The following GUCY1A2 variants were observed in gnomAD, a reference collection of about 807,000 sequenced individuals.
The protein encoded by GUCY1A2 is guanylate cyclase 1 soluble subunit alpha 2, also known as guanylate cyclase soluble subunit alpha-2.
A neutral mutation model predicts 63.5 loss-of-function variants in GUCY1A2; 27 were observed. The ratio of observed to expected loss-of-function variants is 0.43; its 90% confidence interval spans 0.31 to 0.59. The LOEUF is 0.59. Ranked by LOEUF, GUCY1A2 falls within the 20% of genes least tolerant of loss-of-function variation. The pLI is 0.11. For synonymous variants in GUCY1A2, 364 were observed against 343.5 expected (o/e 1.06, Z -0.66); for missense variants, 768 against 913.3 (o/e 0.84, Z 2.05).
At chr11:106,997,617 A>ACCCCCCCCCC (rs377457144) in intron 1 of GUCY1A2, among the ~76,000 whole-genome samples, 8 of 119,760 alleles carry the variant, frequency 6.7e-5, no homozygotes, top group Admixed American at 1.8e-4. Flanking sequence ...AAGATAGGGA[A>ACCCCCCCCCC]CCCCCCCCCC....
At chr11:106,918,980 A>C (rs1412871267) in intron 4 of GUCY1A2, among the ~76,000 whole-genome samples, 2 of 152,130 alleles carry the variant, frequency 1.3e-5, no homozygotes, top group Non-Finnish European at 2.9e-5. Flanking sequence ...TTGTCTGTGT[A>C]TTTCATCTTT....
chr11:106,990,585 CTGTG>C (rs139110040), intron 1 of GUCY1A2, among the ~76,000 whole-genome samples: 12 of 151,852 alleles, frequency 7.9e-5, no homozygotes, highest in East Asian at 7.7e-4. Context: ...CTCTCTCTCT[CTGTG>C]TGTGTGTGTG....
intron 1 of GUCY1A2, among the ~76,000 whole-genome samples, chr11:107,014,486 G>T (rs1449211074): frequency 6.6e-6 from 1 of 152,062 alleles, no homozygotes; most frequent in Non-Finnish European, 1.5e-5. Flanking sequence ...GTTTCTCATT[G>T]TTCAAGGCAA....
chr11:106,700,863 T>G (rs1862806307), intron 7 of GUCY1A2, among the ~76,000 whole-genome samples: 1 of 152,078 alleles, frequency 6.6e-6, no homozygotes, highest in South Asian at 2.1e-4. Flanking sequence ...TCTTTGGATC[T>G]TTCCCCACAT....
intron 1 of GUCY1A2, among the ~76,000 whole-genome samples, chr11:106,994,090 C>T (rs1221574488): frequency 6.6e-6 from 1 of 152,142 alleles, no homozygotes; most frequent in Non-Finnish European, 1.5e-5. Flanking sequence ...ATTTGCATGA[C>T]CTCATTAGAG....
chr11:106,773,034 A>T (rs1468727494), intron 6 of GUCY1A2, among the ~76,000 whole-genome samples: 1 of 152,198 alleles, frequency 6.6e-6, no homozygotes, highest in Non-Finnish European at 1.5e-5. Flanking sequence ...TTCCACTTAT[A>T]AATGGTTAAA....
chr11:106,805,245 AAC>A (rs1304606110), intron 5 of GUCY1A2, among the ~76,000 whole-genome samples: 13 of 79,412 alleles, frequency 1.6e-4, no homozygotes, highest in African/African-American at 6.3e-4. Context: ...TTTTATCACT[AAC>A]ATTTTTTTTT....
In GUCY1A2 at chr11:107,017,947, T is replaced by A; in HGVS notation, c.109A>T (p.Asn37Tyr). The A allele has an allele frequency of 7.3e-7, 1 of 1,375,202 alleles. No homozygotes were observed. The highest frequency in any genetic ancestry group is 9.5e-7 in the Non-Finnish European group (1 of 1,055,194). The allele number at this position is 1,375,202 out of a possible 1,614,324, so 85.2% of individuals were successfully genotyped here. The change falls in exon 1 of 8, where the codon AAT becomes TAT. Residue 37 changes from asparagine to tyrosine, a missense_variant. By Grantham distance (143) the Asn-to-Tyr change is moderately radical. Around this residue, in one of 3 missense-constraint regions of GUCY1A2, gnomAD observed 496 missense variants for 486.9 expected, o/e 1.02. Coordinates refer to ENST00000526355, the MANE Select transcript of GUCY1A2 (RefSeq NM_000855.3). ...GGCCCGGGCGGGCTCCGGCTGCCATTCCAGCAGAGCCTAGACAGGGGGCAC... is the reference window on the plus strand; with the variant it reads ...GGCCCGGGCGGGCTCCGGCTGCCATACCAGCAGAGCCTAGACAGGGGGCAC... Reference protein sequence around the residue: ...GECPLSRLCWNGSRSPPGPLE... With the variant: ...GECPLSRLCWYGSRSPPGPLE...
At chr11:106,919,635 T>C (rs1389390244) in intron 4 of GUCY1A2, among the ~76,000 whole-genome samples, 2 of 152,072 alleles carry the variant, frequency 1.3e-5, no homozygotes, top group African/African-American at 2.4e-5. Flanking sequence ...CAAATATCAG[T>C]TGAGATCTGA....
chr11:106,712,192 C>A (rs1468348350), intron 6 of GUCY1A2, among the ~76,000 whole-genome samples: 1 of 152,042 alleles, frequency 6.6e-6, no homozygotes, highest in Non-Finnish European at 1.5e-5. Flanking sequence ...CACTGATGAT[C>A]TATTCATTTA....
intron 5 of GUCY1A2, among the ~76,000 whole-genome samples, chr11:106,808,371 T>C (rs1858720338): frequency 6.6e-6 from 1 of 152,092 alleles, no homozygotes; most frequent in Non-Finnish European, 1.5e-5. Flanking sequence ...TATAGGAAAA[T>C]TTGAAGATCA....
intron 6 of GUCY1A2, among the ~76,000 whole-genome samples, chr11:106,746,840 A>T (rs543411421): frequency 6.6e-6 from 1 of 152,312 alleles, no homozygotes; most frequent in South Asian, 2.1e-4. Flanking sequence ...ATGAGAGAAT[A>T]TTCCAAGGGA....
At chr11:106,994,796 C>T (rs1370828597) in intron 1 of GUCY1A2, among the ~76,000 whole-genome samples, 1 of 152,158 alleles carries the variant, frequency 6.6e-6, no homozygotes, top group Admixed American at 6.6e-5. Context: ...GAAATACTTA[C>T]CATGTATCTA....
At chr11:106,703,061 CAGA>C (rs1336822992) in intron 7 of GUCY1A2, among the ~76,000 whole-genome samples, 2 of 152,092 alleles carry the variant, frequency 1.3e-5, no homozygotes, top group African/African-American at 4.8e-5. Flanking sequence ...TAAAACCAGG[CAGA>C]AGAACATGGA....
intron 4 of GUCY1A2, among the ~76,000 whole-genome samples, chr11:106,857,288 T>C (rs1008883144): frequency 6.6e-6 from 1 of 152,158 alleles, no homozygotes; most frequent in Non-Finnish European, 1.5e-5. Context: ...TATCCTCGCA[T>C]GACAGAAAGC....
At chr11:106,997,742 C>T (rs192114545) in intron 1 of GUCY1A2, among the ~76,000 whole-genome samples, 48 of 151,318 alleles carry the variant, frequency 3.2e-4, no homozygotes, top group Admixed American at 2.8e-3. Context: ...ACTAAAATGT[C>T]GGTGGTTACC....
chr11:106,687,648 C>A lies in GUCY1A2; in HGVS notation c.2100G>T (p.Arg700Ser), dbSNP rs750726702. 9 of 1,613,794 alleles carry A rather than the reference C, an allele frequency of 5.6e-6. No individual in the cohort carries two copies. Among genetic ancestry groups the A allele is most frequent in the Non-Finnish European group, 6.8e-6 (8 of 1,179,728 alleles). The change falls in exon 8 of 8, where the codon AGG becomes AGT. Residue 700 changes from arginine to serine, a missense_variant. This residue lies in a region of GUCY1A2 where 150 missense variants were observed against 188.3 expected (regional missense o/e 0.80). Transcript: ENST00000526355. ...IPGICYFLEVRTGPKPPKPSL... is the reference protein window; with the variant it reads ...IPGICYFLEVSTGPKPPKPSL... The stretch of plus-strand genomic sequence containing the variant: ...AAGGCTTTGGTGGCTTTGGACCAGT[C>A]CTTACCTCCAGGAAATAGCAGATCC...
chr11:106,860,124 T>G (rs893920453), intron 4 of GUCY1A2, among the ~76,000 whole-genome samples: 2 of 151,446 alleles, frequency 1.3e-5, no homozygotes, highest in Admixed American at 6.6e-5. Flanking sequence ...TATGAATTAC[T>G]TAAGTTTATG....
intron 6 of GUCY1A2, among the ~76,000 whole-genome samples, chr11:106,759,806 G>C (rs779264625): frequency 6.6e-6 from 1 of 152,168 alleles, no homozygotes; most frequent in African/African-American, 2.4e-5. Flanking sequence ...GTTGGGGCAG[G>C]CGTCTGTAAT....
Sources: gnomAD v4.1 joint callset for allele counts (sites outside exome capture counted in the v4.1 genomes callset) on GRCh38, gnomAD v4.1.1 for gene constraint, gnomAD v4.1.1 regional missense constraint, MANE v1.5 for transcripts, NCBI Gene and HGNC (gene_info 2026-07-23, HGNC 2026-07-21) for gene names.